SLCO6A1: variants seen among roughly 807,000 people sequenced by gnomAD.
SLCO6A1 encodes the protein cancer/testis antigen 48.
SLCO6A1 carries 65 observed loss-of-function variants against 72.7 expected under a neutral mutation model. The observed-to-expected ratio is 0.89, with a 90% CI of 0.73 to 1.10. SLCO6A1 has a LOEUF of 1.10. Among genes scored for constraint, SLCO6A1 ranks in the 50% least tolerant of loss-of-function variants. The probability of loss-of-function intolerance (pLI) is 0.00; values close to 1 mark genes in which losing one functional copy is unlikely to be tolerated. For missense variants in SLCO6A1, 874 were observed against 872.6 expected (o/e 1.00, Z -0.02); for synonymous variants, 314 against 298.2 (o/e 1.05, Z -0.55).
At chr5:102,450,800 T>A (rs1323038713) in intron 6 of SLCO6A1, among the ~76,000 whole-genome samples, 3 of 152,190 alleles carry the variant, frequency 2.0e-5, no homozygotes, top group African/African-American at 7.2e-5. Context: ...GTGCCCTGCC[T>A]AGTAGTGAGC....
intron 12 of SLCO6A1, among the ~76,000 whole-genome samples, chr5:102,376,066 A>G (rs1438564482): frequency 1.3e-5 from 2 of 152,162 alleles, no homozygotes; most frequent in African/African-American, 4.8e-5. Flanking sequence ...AAAAAGACAT[A>G]TTACATGTTG....
chr5:102,460,915 T>C (rs1473355861), intron 4 of SLCO6A1, among the ~76,000 whole-genome samples: 1 of 7,818 alleles, frequency 1.3e-4, no homozygotes, highest in Non-Finnish European at 2.8e-4. Flanking sequence ...TATATATATA[T>C]ATATATATAT....
Position 102,470,761 on chromosome 5 carries a change from C to T in SLCO6A1, c.899+4936G>A, listed in dbSNP as rs1328146993. On this transcript the variant is annotated intron_variant, in intron 4 of 13. Coordinates refer to ENST00000506729, the MANE Select transcript of SLCO6A1 (RefSeq NM_173488.5). ...TGGGCCTAGCTACCCAGTGGAACTACCAGGCTTCAGGCTGGTACTGGGGAG... is the reference window on the plus strand; with the variant it reads ...TGGGCCTAGCTACCCAGTGGAACTATCAGGCTTCAGGCTGGTACTGGGGAG... Among the ~76,000 whole-genome samples, 14 of 151,964 alleles carry T rather than the reference C, an allele frequency of 9.2e-5. 1 individual carries two copies. Among genetic ancestry groups the T allele is most frequent in the Admixed American group, 9.2e-4 (14 of 15,212 alleles).
intron 6 of SLCO6A1, 26 bp from the exon 7 acceptor site, chr5:102,438,787 T>C (rs756217039): frequency 4.2e-6 from 6 of 1,438,818 alleles, no homozygotes; most frequent in Non-Finnish European, 4.6e-6. Context: ...GTTATATATC[T>C]ATTATTTTAT....
chr5:102,496,537 G>A (rs1179314213), intron 1 of SLCO6A1, among the ~76,000 whole-genome samples: 2 of 152,080 alleles, frequency 1.3e-5, no homozygotes, highest in African/African-American at 4.8e-5. Context: ...CACCTAATAA[G>A]GGGATTACAC....
rs769161102 is a variant in SLCO6A1, at chr5:102,419,859, A to C, written c.1439T>G (p.Val480Gly). The C allele has an allele frequency of 1.7e-5, 27 of 1,600,036 alleles. 1 individual carries two copies. The highest frequency in any genetic ancestry group is 3.4e-6 in the Non-Finnish European group (4 of 1,176,210). ...ATCTTCATTGATCCCAGCAAATTGCACTGGATTACAGCGTACAAAAATAAT... is the reference window on the plus strand; with the variant it reads ...ATCTTCATTGATCCCAGCAAATTGCCCTGGATTACAGCGTACAAAAATAAT... ...VFIIFVRCNP[V>G]QFAGINEDYD... The change falls in exon 8 of 14, where the codon GTG becomes GGG. Residue 480 changes from valine (V) to glycine (G), a missense_variant. Physicochemically the swap from Val to Gly is moderately radical, Grantham distance 109. Transcript: ENST00000506729.
chr5:102,427,462 A>G (rs1239630638), intron 7 of SLCO6A1, among the ~76,000 whole-genome samples: 1 of 152,116 alleles, frequency 6.6e-6, no homozygotes, highest in East Asian at 1.9e-4. Flanking sequence ...TCCAAAAACT[A>G]TAATCCCAGT....
At chr5:102,460,618 T>A (rs1228692182) in intron 4 of SLCO6A1, among the ~76,000 whole-genome samples, 1 of 152,006 alleles carries the variant, frequency 6.6e-6, no homozygotes, top group East Asian at 1.9e-4. Flanking sequence ...GTCTTCTACT[T>A]CACACACATT....
At chr5:102,384,420 T>C (rs1328838520) in intron 12 of SLCO6A1, among the ~76,000 whole-genome samples, 1 of 152,066 alleles carries the variant, frequency 6.6e-6, no homozygotes, top group African/African-American at 2.4e-5. Context: ...TCCATTCTTT[T>C]TTCTTTGCTG....
intron 1 of SLCO6A1, among the ~76,000 whole-genome samples, chr5:102,497,250 C>T (rs1644213267): frequency 6.6e-6 from 1 of 152,148 alleles, no homozygotes; most frequent in Non-Finnish European, 1.5e-5. Flanking sequence ...AAAATAACAA[C>T]CTCAAGTTTA....
intron 6 of SLCO6A1, among the ~76,000 whole-genome samples, chr5:102,454,064 A>C (rs1441158117): frequency 6.6e-6 from 1 of 152,100 alleles, no homozygotes; most frequent in Non-Finnish European, 1.5e-5. Flanking sequence ...TATCTTTTAC[A>C]TTTTTGGCTG....
At chr5:102,390,913 A>T in intron 11 of SLCO6A1, 68 bp downstream of exon 11, 1 of 1,241,594 alleles carries the variant, frequency 8.1e-7, no homozygotes, top group African/African-American at 1.5e-5. Flanking sequence ...AATACTAAAT[A>T]CACATGTAGA....
chr5:102,468,270 G>A (rs1751409152), intron 4 of SLCO6A1, among the ~76,000 whole-genome samples: 1 of 152,070 alleles, frequency 6.6e-6, no homozygotes, highest in Non-Finnish European at 1.5e-5. Context: ...CTATCTTGGA[G>A]AATGTTCCAT....
chr5:102,427,937 T>C (rs1337672773), intron 7 of SLCO6A1, among the ~76,000 whole-genome samples: 1 of 146,832 alleles, frequency 6.8e-6, no homozygotes, highest in Non-Finnish European at 1.5e-5. Flanking sequence ...GGCATGGTAT[T>C]GGCTCACTGT....
At chr5:102,414,916 T>C (rs1748191807) in intron 8 of SLCO6A1, among the ~76,000 whole-genome samples, 1 of 136,138 alleles carries the variant, frequency 7.3e-6, no homozygotes, top group Non-Finnish European at 1.8e-5. Flanking sequence ...AGTAAATAAA[T>C]AAATAAATAA....
chr5:102,372,023 G>A lies in SLCO6A1; in HGVS notation c.*116C>T, dbSNP rs1334162984. On this transcript the variant is annotated 3_prime_UTR_variant, in exon 14 of 14. Transcript: ENST00000506729. ...TTTGCTACTTATGTAAACATAATGTGTGATTTTCCTCTTCTGAAAGTTGGG... is the reference window on the plus strand; with the variant it reads ...TTTGCTACTTATGTAAACATAATGTATGATTTTCCTCTTCTGAAAGTTGGG... The A allele has an allele frequency of 6.6e-6, 1 of 151,980 alleles. No homozygotes were observed. Among genetic ancestry groups the A allele is most frequent in the Non-Finnish European group, 1.5e-5 (1 of 67,912 alleles). The allele number at this position is 151,980 out of a possible 1,614,324, so 9.4% of individuals were successfully genotyped here.
chr5:102,398,669 G>A (rs1420089256), intron 10 of SLCO6A1, among the ~76,000 whole-genome samples: 6 of 152,066 alleles, frequency 3.9e-5, no homozygotes, highest in Admixed American at 2.0e-4. Context: ...AAAGAAGGTC[G>A]TGTTAATGTG....
chr5:102,405,337 G>A (rs1369432744), intron 9 of SLCO6A1, among the ~76,000 whole-genome samples: 2 of 151,462 alleles, frequency 1.3e-5, no homozygotes, highest in African/African-American at 4.8e-5. Flanking sequence ...GAAGTTCAGT[G>A]AATTCCAAAC....
At chr5:102,436,460 C>G (rs545996922) in intron 7 of SLCO6A1, among the ~76,000 whole-genome samples, 2 of 152,302 alleles carry the variant, frequency 1.3e-5, no homozygotes, top group African/African-American at 4.8e-5. Context: ...TCATTTCCCT[C>G]CAACCAAAAG....
Sources: allele counts gnomAD v4.1 joint callset (sites outside exome capture counted in the v4.1 genomes callset), GRCh38; gene constraint gnomAD v4.1.1; transcripts MANE v1.5; gene names NCBI Gene and HGNC (gene_info 2026-07-23, HGNC 2026-07-21).